KLF13: variants seen among roughly 807,000 people sequenced by gnomAD.
KLF13 encodes KLF transcription factor 13.
KLF13 carries 8 observed loss-of-function variants against 16.7 expected under a neutral mutation model. That is an observed-to-expected ratio of 0.48 (90% CI 0.28 to 0.87). The LOEUF (loss-of-function observed/expected upper bound fraction) is 0.87, where lower values mean the gene tolerates loss of function less well. Among genes scored for constraint, KLF13 ranks in the 40% least tolerant of loss-of-function variants. The pLI is 0.10. For synonymous variants in KLF13, 245 were observed against 208.4 expected (o/e 1.18, Z -1.51); for missense variants, 447 against 452.2 (o/e 0.99, Z 0.10).
chr15:31,399,875 C>T (rs1184053597), intron 2 of KLF13, among the ~76,000 whole-genome samples: 1 of 152,276 alleles, frequency 6.6e-6, no homozygotes, highest in Non-Finnish European at 1.5e-5. Flanking sequence ...GGGCTTCTGC[C>T]ATGCTGGGCC....
intron 1 of KLF13, among the ~76,000 whole-genome samples, chr15:31,432,425 CT>C (rs1275338741): frequency 7.5e-6 from 1 of 133,228 alleles, no homozygotes; most frequent in Admixed American, 7.6e-5. Flanking sequence ...CCTTTTCTTG[CT>C]TTCTTTCTTG....
chr15:31,430,948 C>A (rs2040464521), intron 1 of KLF13, among the ~76,000 whole-genome samples: 1 of 152,118 alleles, frequency 6.6e-6, no homozygotes, highest in Admixed American at 6.5e-5. Flanking sequence ...CACTCATGAG[C>A]CTCCAATTCA....
chr15:31,360,185 G>A (rs1272896652), intron 1 of KLF13, among the ~76,000 whole-genome samples: 2 of 152,230 alleles, frequency 1.3e-5, no homozygotes, highest in African/African-American at 4.8e-5. Context: ...CTTAAGGTTA[G>A]GGCCCTGTTC....
intron 1 of KLF13, among the ~76,000 whole-genome samples, chr15:31,371,086 T>C (rs888054932): frequency 6.6e-6 from 1 of 152,164 alleles, no homozygotes; most frequent in African/African-American, 2.4e-5. Context: ...CCACCCCTAA[T>C]ACAAGAAGGG....
At chr15:31,333,346 C>T (rs2038867157) in intron 1 of KLF13, among the ~76,000 whole-genome samples, 1 of 152,192 alleles carries the variant, frequency 6.6e-6, no homozygotes, top group African/African-American at 2.4e-5. Flanking sequence ...CTGCTGTGTC[C>T]TACTGCCACT....
intron 2 of KLF13, among the ~76,000 whole-genome samples, chr15:31,400,717 G>A (rs1287399946): frequency 6.6e-6 from 1 of 151,304 alleles, no homozygotes. Flanking sequence ...GGAGGAGGGT[G>A]GAGGAGGGTC....
chr15:31,337,186 C>T (rs550483889), intron 1 of KLF13, among the ~76,000 whole-genome samples: 5 of 152,346 alleles, frequency 3.3e-5, no homozygotes, highest in South Asian at 2.1e-4. Flanking sequence ...AAGTGGCCTG[C>T]GGCAGGGCAG....
chr15:31,349,383 A>T (rs1055083353), intron 1 of KLF13, among the ~76,000 whole-genome samples: 2 of 152,244 alleles, frequency 1.3e-5, no homozygotes, highest in African/African-American at 4.8e-5. Context: ...CCGCTGGGCC[A>T]CATGGGAGGC....
rs1208769731 is a variant in KLF13 at position 31,327,166 on chromosome 15, G to C, written c.-47G>C. On this transcript the variant is annotated 5_prime_UTR_variant, in exon 1 of 2. Coordinates refer to ENST00000307145, the MANE Select transcript of KLF13 (RefSeq NM_015995.4). ...CCGAGGCCGTGGGTGCGGATGCGCGGCTGACGACTCGCAGCAAGAGCACCG... is the reference window on the plus strand; with the variant it reads ...CCGAGGCCGTGGGTGCGGATGCGCGCCTGACGACTCGCAGCAAGAGCACCG... 14 of 1,274,252 alleles carry C rather than the reference G, an allele frequency of 1.1e-5. No individual in the cohort carries two copies. Among genetic ancestry groups the C allele is most frequent in the Non-Finnish European group, 1.4e-5 (14 of 1,010,216 alleles). 78.9% of individuals were successfully genotyped at this position (1,274,252 alleles called of 1,614,324 possible).
chr15:31,398,404 G>A (rs548536641), intron 2 of KLF13, among the ~76,000 whole-genome samples: 23 of 152,216 alleles, frequency 1.5e-4, no homozygotes, highest in Non-Finnish European at 2.4e-4. Context: ...CTGGCATTTC[G>A]TGTGTAGTGG....
intron 1 of KLF13, among the ~76,000 whole-genome samples, chr15:31,416,376 C>CAGAT (rs2040258084): frequency 6.6e-6 from 1 of 151,998 alleles, no homozygotes; most frequent in Non-Finnish European, 1.5e-5. Flanking sequence ...GTTATGAATA[C>CAGAT]AGATATAAAA....
intron 1 of KLF13, among the ~76,000 whole-genome samples, chr15:31,357,044 A>G (rs996241151): frequency 8.6e-5 from 13 of 151,606 alleles, no homozygotes; most frequent in Non-Finnish European, 1.2e-4. Flanking sequence ...TTACCCATCC[A>G]TTTGTATTTT....
At chr15:31,417,295 G>T (rs149363607) in intron 1 of KLF13, among the ~76,000 whole-genome samples, 2 of 152,130 alleles carry the variant, frequency 1.3e-5, no homozygotes, top group Non-Finnish European at 2.9e-5. Flanking sequence ...AGGAGTTCAA[G>T]AACAGCCTGG....
At chr15:31,357,286 T>C (rs540509762) in intron 1 of KLF13, among the ~76,000 whole-genome samples, 1 of 152,348 alleles carries the variant, frequency 6.6e-6, no homozygotes, top group African/African-American at 2.4e-5. Flanking sequence ...GTCTTCTCGT[T>C]GCGTGGCCTC....
chr15:31,361,913 T>TTCCC (rs1223616018), intron 1 of KLF13, among the ~76,000 whole-genome samples: 6 of 149,688 alleles, frequency 4.0e-5, no homozygotes, highest in African/African-American at 7.4e-5. Context: ...GCCCTCTTTC[T>TTCCC]TCCCTCCCTC....
chr15:31,398,030 C>G (rs992284531), intron 2 of KLF13, among the ~76,000 whole-genome samples: 5 of 152,130 alleles, frequency 3.3e-5, no homozygotes, highest in Admixed American at 6.5e-5. Flanking sequence ...TTACGCAGTC[C>G]GGGGCCAGTA....
intron 1 of KLF13, among the ~76,000 whole-genome samples, chr15:31,345,268 T>C (rs142032134): frequency 1.3e-5 from 2 of 152,292 alleles, no homozygotes; most frequent in Non-Finnish European, 2.9e-5. Flanking sequence ...ACTCATTGCC[T>C]GAGTGTCATG....
chr15:31,397,395 T>C (rs1196542865), intron 2 of KLF13, among the ~76,000 whole-genome samples: 2 of 152,230 alleles, frequency 1.3e-5, no homozygotes, highest in African/African-American at 4.8e-5. Flanking sequence ...CCGACCATTC[T>C]CAGGCCTGGG....
chr15:31,405,267 T>G (rs901549795), downstream of KLF13, among the ~76,000 whole-genome samples: 1 of 151,940 alleles, frequency 6.6e-6, no homozygotes, highest in African/African-American at 2.4e-5. Flanking sequence ...TGAGCCGAGA[T>G]CGCACCACTG....
Sources: allele counts gnomAD v4.1 joint callset (sites outside exome capture counted in the v4.1 genomes callset), GRCh38; gene constraint gnomAD v4.1.1; transcripts MANE v1.5; gene names NCBI Gene and HGNC (gene_info 2026-07-23, HGNC 2026-07-21).